The following CHIC2 variants were observed in gnomAD, a reference collection of about 807,000 sequenced individuals.
CHIC2 encodes cysteine rich hydrophobic domain 2.
In CHIC2, 14 loss-of-function variants were observed where a neutral mutation model predicts 25.9. That is an observed-to-expected ratio of 0.54 (90% CI 0.36 to 0.85). CHIC2 has a LOEUF of 0.85. Among genes scored for constraint, CHIC2 ranks in the 40% least tolerant of loss-of-function variants. The pLI is 0.01. For synonymous variants in CHIC2, 70 were observed against 72.0 expected, an observed-to-expected ratio of 0.97 and a Z score of 0.14; for missense variants, 146 against 202.0, an observed-to-expected ratio of 0.72 and a Z score of 1.68.
chr4:54,039,801 G>A (rs1716507346), intron 3 of CHIC2, among the ~76,000 whole-genome samples: 1 of 152,142 alleles, frequency 6.6e-6, no homozygotes, highest in Non-Finnish European at 1.5e-5. Context: ...GTCTTCAACT[G>A]ATAAATGGAT....
rs954465503 is a variant in CHIC2 at position 54,047,874 on chromosome 4, AT to A, written c.330+1080del. On this transcript the variant is annotated intron_variant, in intron 3 of 5. Transcript: ENST00000263921. ...AAATAAAATTTATTTATTTAAAAAA[AT>A]TTTTTTAAAGTATCATTTTTATACA... Among the ~76,000 whole-genome samples the A allele has an allele frequency of 1.9e-3, 290 of 151,962 alleles. 2 individuals carry two copies. Among genetic ancestry groups the A allele is most frequent in the Non-Finnish European group, 3.5e-3 (239 of 67,954 alleles).
At chr4:54,077,750 G>A in the CHIC2 span, among the ~76,000 whole-genome samples, 1 of 152,180 alleles carries the variant, frequency 6.6e-6, no homozygotes, top group African/African-American at 2.4e-5. Context: ...CAGTGGTTCT[G>A]TTAGGTCTCT....
At chr4:54,046,911 GC>G (rs1177753003) in intron 3 of CHIC2, among the ~76,000 whole-genome samples, 2 of 152,134 alleles carry the variant, frequency 1.3e-5, no homozygotes, top group Non-Finnish European at 2.9e-5. Context: ...CTGACAAAGG[GC>G]TAATATCCAG....
chr4:54,045,068 C>G (rs1162266408), intron 3 of CHIC2, among the ~76,000 whole-genome samples: 26 of 152,214 alleles, frequency 1.7e-4, no homozygotes, highest in South Asian at 1.5e-3. Flanking sequence ...ATAAATTCCT[C>G]GACACATACA....
At chr4:54,030,200 C>T (rs1301986957) in intron 3 of CHIC2, among the ~76,000 whole-genome samples, 1 of 151,990 alleles carries the variant, frequency 6.6e-6, no homozygotes, top group African/African-American at 2.4e-5. Flanking sequence ...AAGAAAAAAC[C>T]TAAGAAACCT....
chr4:54,025,454 C>T (rs1308275164), intron 3 of CHIC2, among the ~76,000 whole-genome samples: 1 of 152,180 alleles, frequency 6.6e-6, no homozygotes, highest in African/African-American at 2.4e-5. Context: ...ACTCTCTTTT[C>T]AGACTCAGCC....
chr4:54,049,470 G>A (rs1716937447), intron 1 of CHIC2, among the ~76,000 whole-genome samples, 165 bp from the exon 2 acceptor site: 1 of 152,162 alleles, frequency 6.6e-6, no homozygotes, highest in African/African-American at 2.4e-5. Context: ...AGCAATTTAT[G>A]AAATGTAACA....
At chr4:54,014,545 T>C (rs544898840) in intron 3 of CHIC2, among the ~76,000 whole-genome samples, 1 of 152,222 alleles carries the variant, frequency 6.6e-6, no homozygotes, top group East Asian at 1.9e-4. Context: ...AAAATTGGAA[T>C]ATTAAAAAAA....
upstream of CHIC2, among the ~76,000 whole-genome samples, chr4:54,065,990 T>A (rs1397705209): frequency 7.9e-5 from 12 of 152,252 alleles, no homozygotes; most frequent in East Asian, 2.3e-3. Context: ...TCTAGCTATG[T>A]GGCAGGCACT....
chr4:54,016,182 G>A (rs1300380553), intron 3 of CHIC2, among the ~76,000 whole-genome samples: 1 of 152,032 alleles, frequency 6.6e-6, no homozygotes, highest in African/African-American at 2.4e-5. Flanking sequence ...TTATATTAAT[G>A]TATAAAATAG....
At chr4:54,054,035 A>C (rs898366403) in intron 1 of CHIC2, among the ~76,000 whole-genome samples, 2 of 152,164 alleles carry the variant, frequency 1.3e-5, no homozygotes, top group Non-Finnish European at 1.5e-5. Flanking sequence ...TGATCCGCCC[A>C]CCTTGGCCTC....
the CHIC2 span, among the ~76,000 whole-genome samples, chr4:54,088,638 G>A: frequency 6.6e-6 from 1 of 152,182 alleles, no homozygotes; most frequent in African/African-American, 2.4e-5. Context: ...GTGGCATCAT[G>A]GAGGGCCTTT....
Position 54,049,097 on chromosome 4 carries a change from T to A in CHIC2, c.188A>T (p.Glu63Val). Reference protein sequence around the residue: ...SSLTGKVAPEEFKASINRVNS... With the variant: ...SSLTGKVAPEVFKASINRVNS... ...AACTCTGTTGATGCTGGCTTTAAAT[T>A]CTTCAGGAGCTACCTAAAGAAAAAT... The change falls in exon 3 of 6, where the codon GAA becomes GTA. Residue 63 changes from glutamate to valine, a missense_variant. By Grantham distance (121) the Glu-to-Val change is moderately radical (BLOSUM62 -2). Coordinates refer to ENST00000263921, the MANE Select transcript of CHIC2 (RefSeq NM_012110.4). 1 of 1,603,496 alleles carries A rather than the reference T, an allele frequency of 6.2e-7. No homozygotes were observed. The highest frequency in any genetic ancestry group is 8.5e-7 in the Non-Finnish European group (1 of 1,176,338).
chr4:54,089,893 C>T, the CHIC2 span, among the ~76,000 whole-genome samples: 1 of 152,174 alleles, frequency 6.6e-6, no homozygotes, highest in Non-Finnish European at 1.5e-5. Flanking sequence ...ACCAACATGA[C>T]ATCACAAGTG....
chr4:54,081,432 T>C, the CHIC2 span, among the ~76,000 whole-genome samples: 1 of 151,990 alleles, frequency 6.6e-6, no homozygotes, highest in Non-Finnish European at 1.5e-5. Flanking sequence ...TGATGAATGA[T>C]ACTTATTATC....
At chr4:54,032,502 G>A (rs1347938121) in intron 3 of CHIC2, among the ~76,000 whole-genome samples, 3 of 152,112 alleles carry the variant, frequency 2.0e-5, no homozygotes, top group Non-Finnish European at 4.4e-5. Flanking sequence ...TCCTAACCGC[G>A]AGTGATCCGC....
chr4:54,019,086 T>C (rs976460276), intron 3 of CHIC2, among the ~76,000 whole-genome samples: 6 of 151,924 alleles, frequency 3.9e-5, no homozygotes, highest in Non-Finnish European at 8.8e-5. Context: ...TAATTTAAAA[T>C]GAATTATTTT....
intron 1 of CHIC2, among the ~76,000 whole-genome samples, chr4:54,062,523 G>A (rs113724382): frequency 5.3e-5 from 8 of 151,996 alleles, no homozygotes; most frequent in Non-Finnish European, 1.0e-4. Context: ...ACCTCTCCAC[G>A]TAGCCAACTA....
chr4:54,076,492 A>T, the CHIC2 span: 1 of 152,182 alleles, frequency 6.6e-6, no homozygotes, highest in Non-Finnish European at 1.5e-5. Context: ...TATAATTAGC[A>T]ATTGTTGAGT....
Sources: gnomAD v4.1 joint callset for allele counts (sites outside exome capture counted in the v4.1 genomes callset) on GRCh38, gnomAD v4.1.1 for gene constraint, MANE v1.5 for transcripts, NCBI Gene and HGNC (gene_info 2026-07-23, HGNC 2026-07-21) for gene names.